THBS2: variants seen among roughly 807,000 people sequenced by gnomAD.
THBS2 encodes thrombospondin 2, also known as thrombospondin-2.
A neutral mutation model predicts 135.2 loss-of-function variants in THBS2; 47 were observed. The ratio of observed to expected loss-of-function variants is 0.35; its 90% CI spans 0.28 to 0.44. The LOEUF (loss-of-function observed/expected upper bound fraction) is 0.44, where lower values mean the gene tolerates loss of function less well. Ranked by LOEUF, THBS2 falls within the 20% of genes least tolerant of loss-of-function variation. The probability of loss-of-function intolerance (pLI) is 1.00; values close to 1 mark genes in which losing one functional copy is unlikely to be tolerated. For missense variants in THBS2, 1,288 were observed against 1,603.1 expected (o/e 0.80, Z 3.36); for synonymous variants, 639 against 633.8 (o/e 1.01, Z -0.12).
chr6:169,228,926 GTT>G (rs10617824), intron 14 of THBS2, among the ~76,000 whole-genome samples: 18,527 of 143,126 alleles, frequency 0.13, 1,333 homozygotes, highest in Non-Finnish European at 0.14. Flanking sequence ...AAAAAAAAGA[GTT>G]AGCCCTCGCC....
chr6:169,242,963 CTG>C (rs1238258285), intron 4 of THBS2, among the ~76,000 whole-genome samples: 1 of 105,160 alleles, frequency 9.5e-6, no homozygotes, highest in African/African-American at 3.9e-5. Context: ...CACCTTCCCA[CTG>C]CTCCCACCTT....
In THBS2 at chr6:169,252,316, GA is replaced by G. The variant is rs1400376207; in HGVS notation, c.-23+1407del. Among the ~76,000 whole-genome samples, 1 of 152,134 alleles carries G rather than the reference GA, an allele frequency of 6.6e-6. No homozygotes were observed. Among genetic ancestry groups the G allele is most frequent in the African/African-American group, 2.4e-5 (1 of 41,446 alleles). On this transcript the variant is annotated intron_variant, in intron 1 of 21. Transcript: ENST00000617924. This position sits in a 1 kb window ranked among gnomAD's most constrained non-coding sequence, Gnocchi z 4.3. Reference sequence around the variant, plus strand: ...GTACCTGCATGCAGTAAGCACCACAGAACGGTGTTAGAATACACAGCTCAGG... The same window carrying G: ...GTACCTGCATGCAGTAAGCACCACAGACGGTGTTAGAATACACAGCTCAGG...
chr6:169,226,664 A>G (rs1779641448), intron 15 of THBS2, among the ~76,000 whole-genome samples: 2 of 152,222 alleles, frequency 1.3e-5, no homozygotes, highest in Admixed American at 1.3e-4. Flanking sequence ...CCAGGAGTTT[A>G]TCATCCATGC....
In THBS2 at chr6:169,241,999, C is replaced by A; in HGVS notation, c.695-41G>T. On this transcript the variant is annotated intron_variant, in intron 4 of 21. Coordinates refer to ENST00000617924, the MANE Select transcript of THBS2 (RefSeq NM_003247.5). This position sits in a 1 kb window ranked among gnomAD's most constrained non-coding sequence, Gnocchi z 5.5. ...GAAGGGCCGTGAGCATCACAGAGGACGGGGCCAGCAGCAGGGGCTGGGAAC... is the reference window on the plus strand; with the variant it reads ...GAAGGGCCGTGAGCATCACAGAGGAAGGGGCCAGCAGCAGGGGCTGGGAAC... 6.4e-7 allele frequency: 1 copy of A among 1,568,814 alleles called. No homozygotes were observed. Among genetic ancestry groups the A allele is most frequent in the South Asian group, 1.1e-5 (1 of 87,304 alleles).
rs567877978 is a variant in THBS2 at position 169,246,202 on chromosome 6, T to A, written c.689A>T (p.Gln230Leu). 5.0e-6 allele frequency: 8 copies of A among 1,613,938 alleles called. No individual in the cohort carries two copies. In the East Asian group the frequency reaches 1.3e-4, roughly 27 times the overall value. ...ATTTTTCACAACACACCTACCTCCC[T>A]GGCCTTGCTGGCAACCCTTCTTGCT... ...ILSKKGCQQG[Q>L]GAEINAISEN... The change falls in exon 4 of 22, where the codon CAG becomes CTG. Residue 230 changes from glutamine (Q) to leucine (L), a missense_variant. Gln to Leu is a moderately radical substitution (Grantham distance 113). Around this residue, in one of 2 missense-constraint regions of THBS2, gnomAD observed 414 missense variants for 447.0 expected, o/e 0.93. Transcript: ENST00000617924.
At chr6:169,227,616 G>A (rs1362149775) in intron 15 of THBS2, among the ~76,000 whole-genome samples, 4 of 152,204 alleles carry the variant, frequency 2.6e-5, no homozygotes, top group Non-Finnish European at 5.9e-5. Flanking sequence ...GGGCGGTCCT[G>A]TGGCTGGTGT....
chr6:169,253,652 A>G (rs759894463), intron 1 of THBS2, 72 bp downstream of exon 1: 1 of 152,208 alleles, frequency 6.6e-6, no homozygotes, highest in Non-Finnish European at 1.5e-5. Flanking sequence ...CGCTTCTTAG[A>G]GTTCGAGAAC....
At chr6:169,233,581 G>A (rs376901447) in intron 10 of THBS2, among the ~76,000 whole-genome samples, 8 of 132,316 alleles carry the variant, frequency 6.0e-5, no homozygotes, top group Admixed American at 5.3e-4. Context: ...CTACCCATGC[G>A]TCACTTTCCA....
At chr6:169,226,081 G>T (rs1227751063) in intron 16 of THBS2, 99 bp downstream of exon 16, 18 of 1,346,566 alleles carry the variant, frequency 1.3e-5, no homozygotes, top group Admixed American at 1.8e-5. Flanking sequence ...TCAGGGTTGT[G>T]CACCAGGGGC....
Sources: gnomAD v4.1 joint callset for allele counts (sites outside exome capture counted in the v4.1 genomes callset) on GRCh38, gnomAD v4.1.1 for gene constraint, gnomAD v4.1.1 regional missense constraint, Gnocchi (gnomAD v3.1) non-coding constraint, MANE v1.5 for transcripts, NCBI Gene and HGNC (gene_info 2026-07-23, HGNC 2026-07-21) for gene names.